SLC6A11: variants seen among roughly 807,000 people sequenced by gnomAD.
SLC6A11 encodes sodium- and chloride-dependent GABA transporter 3.
In SLC6A11, 25 loss-of-function variants were observed where a neutral mutation model predicts 74.8. That is an observed-to-expected ratio of 0.33 (90% confidence interval 0.24 to 0.47). SLC6A11 has a LOEUF of 0.47. Ranked by LOEUF, SLC6A11 falls within the 20% of genes least tolerant of loss-of-function variation. The pLI is 1.00. For synonymous variants in SLC6A11, 330 were observed against 330.2 expected (o/e 1.00, Z 0.01); for missense variants, 574 against 837.0 (o/e 0.69, Z 3.88).
At chr3:10,925,225 A>T (rs913868782) in intron 8 of SLC6A11, among the ~76,000 whole-genome samples, 1 of 152,222 alleles carries the variant, frequency 6.6e-6, no homozygotes, top group Non-Finnish European at 1.5e-5. Flanking sequence ...TAAAGTAAAA[A>T]ATCATCAGAT....
At chr3:10,923,849 A>G (rs917575856) in intron 8 of SLC6A11, among the ~76,000 whole-genome samples, 2 of 98,726 alleles carry the variant, frequency 2.0e-5, no homozygotes, top group Non-Finnish European at 4.0e-5. Flanking sequence ...ACCAGTAATA[A>G]TATTGATTGA....
At chr3:10,841,056 T>C (rs1341720553) in intron 4 of SLC6A11, among the ~76,000 whole-genome samples, 1 of 152,188 alleles carries the variant, frequency 6.6e-6, no homozygotes, top group Non-Finnish European at 1.5e-5. Flanking sequence ...TACTCTACTA[T>C]GGCCTGAAAA....
chr3:10,867,103 G>A (rs1223357909), intron 5 of SLC6A11, among the ~76,000 whole-genome samples: 1 of 152,230 alleles, frequency 6.6e-6, no homozygotes. Context: ...GCACCTGAGA[G>A]ATAGAAGCGA....
chr3:10,837,813 G>A (rs1309252450), intron 4 of SLC6A11, among the ~76,000 whole-genome samples: 2 of 152,218 alleles, frequency 1.3e-5, no homozygotes, highest in African/African-American at 4.8e-5. Flanking sequence ...GGCCCCTGCC[G>A]TGGACTCTGT....
chr3:10,830,379 C>T (rs1694278777), intron 4 of SLC6A11, among the ~76,000 whole-genome samples: 1 of 152,194 alleles, frequency 6.6e-6, no homozygotes, highest in African/African-American at 2.4e-5. Flanking sequence ...TACTGAAGAG[C>T]AGGCAGGGGC....
intron 9 of SLC6A11, among the ~76,000 whole-genome samples, chr3:10,927,646 G>C (rs563460329): frequency 2.0e-5 from 3 of 152,322 alleles, no homozygotes; most frequent in South Asian, 4.1e-4. Context: ...AGGACCTGGA[G>C]AAAGGATAGA....
At chr3:10,818,315 G>T (rs1348828598) in intron 1 of SLC6A11, among the ~76,000 whole-genome samples, 1 of 152,126 alleles carries the variant, frequency 6.6e-6, no homozygotes, top group Non-Finnish European at 1.5e-5. Context: ...TGCTGCAGCT[G>T]ATTTTAATCA....
chr3:10,885,816 A>G (rs762310863), intron 6 of SLC6A11, among the ~76,000 whole-genome samples: 58 of 152,034 alleles, frequency 3.8e-4, no homozygotes, highest in Middle Eastern at 3.2e-3. Context: ...TCCAGACTCC[A>G]GGGTCTCTAT....
At chr3:10,909,606 G>C (rs1559579667) in intron 6 of SLC6A11, among the ~76,000 whole-genome samples, 1 of 152,216 alleles carries the variant, frequency 6.6e-6, no homozygotes, top group Non-Finnish European at 1.5e-5. Flanking sequence ...AACAGTGAAA[G>C]AGGGACACCT....
At chr3:10,822,469 A>G (rs899064024) in intron 3 of SLC6A11, among the ~76,000 whole-genome samples, 3 of 152,182 alleles carry the variant, frequency 2.0e-5, no homozygotes, top group African/African-American at 7.2e-5. Flanking sequence ...GAGGAGGAAG[A>G]GGGTATAGGT....
At chr3:10,867,969 T>TA (rs1230849464) in intron 5 of SLC6A11, among the ~76,000 whole-genome samples, 1 of 152,220 alleles carries the variant, frequency 6.6e-6, no homozygotes, top group Admixed American at 6.5e-5. Context: ...TTTATGGTGG[T>TA]AATTCACAGT....
At chr3:10,891,514 C>T (rs570400631) in intron 6 of SLC6A11, among the ~76,000 whole-genome samples, 2 of 152,250 alleles carry the variant, frequency 1.3e-5, no homozygotes, top group African/African-American at 4.8e-5. Context: ...TATATTCTGA[C>T]ACTAAATTTG....
chr3:10,861,412 G>T (rs896114761), intron 5 of SLC6A11, among the ~76,000 whole-genome samples: 16 of 152,146 alleles, frequency 1.1e-4, no homozygotes, highest in Non-Finnish European at 2.4e-4. Context: ...AGCTACTTTG[G>T]AGGCTGAGGT....
rs149375519 is a variant in SLC6A11, at chr3:10,912,194, G to A, written c.995+1G>A. The A allele has an allele frequency of 6.3e-7, 1 of 1,599,388 alleles. No homozygotes were observed. The highest frequency in any genetic ancestry group is 1.7e-5 in the Admixed American group (1 of 59,996). ...ACAATTATAACAACAACTGCTACAG[G>A]TGAGCATTTCCCTGGGCCCTGCCAG... On this transcript the variant is annotated splice_donor_variant, in intron 7 of 13. Transcript: ENST00000254488. LOFTEE classifies it high-confidence loss of function.
chr3:10,865,975 G>C (rs1419074435), intron 5 of SLC6A11, among the ~76,000 whole-genome samples: 7 of 152,192 alleles, frequency 4.6e-5, no homozygotes, highest in African/African-American at 1.4e-4. Context: ...GAGGCAATTG[G>C]TGGTTAGATA....
rs942745714 is a variant in SLC6A11 at position 10,926,259 on chromosome 3, C to T, written c.1233+143C>T. On this transcript the variant is annotated intron_variant, in intron 9 of 13. Coordinates refer to ENST00000254488, the MANE Select transcript of SLC6A11 (RefSeq NM_014229.3). This position sits in a 1 kb window ranked among gnomAD's most constrained non-coding sequence, Gnocchi z 5.7. ...GGGCCCTGCCCACCGTCCCCCATTCCACCCTCCACTTCCCTCCCAGCAACT... is the reference window on the plus strand; with the variant it reads ...GGGCCCTGCCCACCGTCCCCCATTCTACCCTCCACTTCCCTCCCAGCAACT... 2 of 622,690 alleles carry T rather than the reference C, an allele frequency of 3.2e-6. No individual in the cohort carries two copies. Among genetic ancestry groups the T allele is most frequent in the African/African-American group, 3.7e-5 (2 of 54,170 alleles). 38.6% of individuals were successfully genotyped at this position (622,690 alleles called of 1,614,324 possible). A position where few individuals can be genotyped will look rare whatever the true frequency, so the allele number is the denominator to read the frequency against.
At chr3:10,869,398 G>C (rs1201172136) in intron 5 of SLC6A11, among the ~76,000 whole-genome samples, 1 of 152,240 alleles carries the variant, frequency 6.6e-6, no homozygotes, top group Non-Finnish European at 1.5e-5. Flanking sequence ...TCGTCTTCCA[G>C]ACCTTTAAGA....
At chr3:10,836,178 T>A (rs1694364601) in intron 4 of SLC6A11, among the ~76,000 whole-genome samples, 1 of 152,252 alleles carries the variant, frequency 6.6e-6, no homozygotes, top group African/African-American at 2.4e-5. Context: ...TTATCTATGT[T>A]GTAGCATGAA....
Position 10,823,323 on chromosome 3 carries a change from A to C in SLC6A11, c.554A>C (p.Lys185Thr). ...GTAGAGAATTGTGTGGAGTTCCAGAAACTGAATGTGAGCAACTACAGCCAT... is the reference window on the plus strand; with the variant it reads ...GTAGAGAATTGTGTGGAGTTCCAGACACTGAATGTGAGCAACTACAGCCAT... ...WNTENCVEFQKLNVSNYSHVS... is the reference protein window; with the variant it reads ...WNTENCVEFQTLNVSNYSHVS... The change falls in exon 4 of 14, where the codon AAA (lysine) becomes ACA (threonine). Residue 185 changes from lysine to threonine, a missense_variant. This residue lies in a region of SLC6A11 where 215 missense variants were observed against 357.9 expected (regional missense o/e 0.60). Coordinates refer to ENST00000254488, the MANE Select transcript of SLC6A11 (RefSeq NM_014229.3). 1 of 1,613,308 alleles carries C rather than the reference A, an allele frequency of 6.2e-7. No individual in the cohort carries two copies. The highest frequency in any genetic ancestry group is 8.5e-7 in the Non-Finnish European group (1 of 1,179,260).
Sources: allele counts gnomAD v4.1 joint callset (sites outside exome capture counted in the v4.1 genomes callset), GRCh38; gene constraint gnomAD v4.1.1; regional missense constraint gnomAD v4.1.1; non-coding constraint Gnocchi (gnomAD v3.1); transcripts MANE v1.5; gene names NCBI Gene and HGNC (gene_info 2026-07-23, HGNC 2026-07-21).